KCTD1: variants seen among roughly 807,000 people sequenced by gnomAD.
The protein encoded by KCTD1 is potassium channel tetramerization domain containing 1.
KCTD1 carries 24 observed loss-of-function variants against 66.0 expected under a neutral mutation model. That is an observed-to-expected ratio of 0.36 (90% confidence interval 0.26 to 0.51). KCTD1 has a LOEUF of 0.51. KCTD1 is among the 20% of genes least tolerant of loss of function. The probability of loss-of-function intolerance (pLI) is 0.95; values close to 1 mark genes in which losing one functional copy is unlikely to be tolerated. For synonymous variants in KCTD1, 511 were observed against 517.2 expected (o/e 0.99, Z 0.16); for missense variants, 943 against 1,205.2 (o/e 0.78, Z 3.22).
intron 1 of KCTD1, among the ~76,000 whole-genome samples, chr18:26,609,291 C>T (rs1312966701): frequency 6.6e-6 from 1 of 152,186 alleles, no homozygotes; most frequent in Non-Finnish European, 1.5e-5. Flanking sequence ...TAGTAAACAT[C>T]TCAAGTGCCT....
chr18:26,587,396 G>A (rs1201119877), intron 1 of KCTD1, among the ~76,000 whole-genome samples: 1 of 152,156 alleles, frequency 6.6e-6, no homozygotes, highest in Non-Finnish European at 1.5e-5. Context: ...AGTCACCCAG[G>A]AGTGCTGATG....
At chr18:26,611,860 G>C (rs1462952300) in intron 1 of KCTD1, among the ~76,000 whole-genome samples, 1 of 152,082 alleles carries the variant, frequency 6.6e-6, no homozygotes, top group Non-Finnish European at 1.5e-5. Flanking sequence ...CTTTGTTCTG[G>C]GATGAGTTAA....
At chr18:26,622,237 G>T (rs1987402360) in intron 1 of KCTD1, among the ~76,000 whole-genome samples, 1 of 152,222 alleles carries the variant, frequency 6.6e-6, no homozygotes, top group Non-Finnish European at 1.5e-5. Context: ...AAGAACTCAC[G>T]AGAGGAGCAG....
intron 1 of KCTD1, among the ~76,000 whole-genome samples, chr18:26,563,352 C>G (rs1044420605): frequency 6.6e-6 from 1 of 152,174 alleles, no homozygotes; most frequent in African/African-American, 2.4e-5. Flanking sequence ...ATAACGTACT[C>G]CCTGCCTACT....
At chr18:26,590,268 T>C (rs544915003) in intron 1 of KCTD1, among the ~76,000 whole-genome samples, 1 of 151,796 alleles carries the variant, frequency 6.6e-6, no homozygotes, top group East Asian at 2.0e-4. Context: ...TTTTTCACTT[T>C]AGTAGAGATG....
chr18:26,567,619 GTGGGATTACAGGCATGCACCACCACACT>G (rs1986014195), intron 1 of KCTD1, among the ~76,000 whole-genome samples: 2 of 151,542 alleles, frequency 1.3e-5, no homozygotes, highest in South Asian at 4.2e-4. Flanking sequence ...TCCCGAGTAG[GTGGGATTACAGGCATGCACCACCACACT>G]TGGCTAATTT....
Position 26,499,187 on chromosome 18 carries a change from TG to T in KCTD1, c.1988+1884del, listed in dbSNP as rs769455774. ...GTAAATCTTGCTACAGTTGAAGGTT[TG>T]CTTTTTTGTCTCTTAATATGCATTT... On this transcript the variant is annotated intron_variant, in intron 2 of 4. Coordinates refer to ENST00000580059, the MANE Select transcript of KCTD1 (RefSeq NM_001142730.3). 9.1e-4 allele frequency among the ~76,000 whole-genome samples: 139 copies of T among 152,260 alleles called. 1 individual carries two copies. Among genetic ancestry groups the T allele is most frequent in the Non-Finnish European group, 4.1e-4 (28 of 68,044 alleles).
At chr18:26,569,502 G>A (rs906387820) in intron 1 of KCTD1, among the ~76,000 whole-genome samples, 8 of 151,218 alleles carry the variant, frequency 5.3e-5, no homozygotes, top group African/African-American at 1.5e-4. Context: ...CCTTTCTCCC[G>A]CCCCCGACAA....
At chr18:26,549,043 C>A (rs866164706), upstream of KCTD1, 108 of 985,350 alleles carry the variant, frequency 1.1e-4, 1 homozygote, top group Middle Eastern at 3.1e-3. Context: ...GGGGCGGCGG[C>A]TGCGCCGGGC....
intron 1 of KCTD1, chr18:26,566,744 C>G (rs1469523129): frequency 4.6e-5 from 7 of 150,546 alleles, no homozygotes; most frequent in African/African-American, 7.3e-5. Context: ...CGGTCTCATC[C>G]CAAAGTCACA....
At chr18:26,599,517 A>G in intron 1 of KCTD1, 2 of 1,573,076 alleles carry the variant, frequency 1.3e-6, no homozygotes, top group Non-Finnish European at 1.8e-6. Flanking sequence ...TTAACTGGCA[A>G]TGAGGGCCGT....
chr18:26,582,047 C>T (rs547181017), intron 1 of KCTD1, among the ~76,000 whole-genome samples: 33 of 150,750 alleles, frequency 2.2e-4, no homozygotes, highest in South Asian at 1.9e-3. Flanking sequence ...GTGGGTAAGT[C>T]GCGTGAGCTC....
chr18:26,561,532 C>T (rs1985848674), intron 1 of KCTD1, among the ~76,000 whole-genome samples: 1 of 152,126 alleles, frequency 6.6e-6, no homozygotes. Flanking sequence ...CCCAATAAGC[C>T]TAAAACCAAC....
At chr18:26,595,452 G>C (rs1277165361) in intron 1 of KCTD1, among the ~76,000 whole-genome samples, 2 of 152,150 alleles carry the variant, frequency 1.3e-5, no homozygotes, top group East Asian at 3.9e-4. Flanking sequence ...GCTTTGGCAC[G>C]TGACTATATT....
At chr18:26,513,415 A>G (rs1983457606) in intron 1 of KCTD1, among the ~76,000 whole-genome samples, 1 of 152,338 alleles carries the variant, frequency 6.6e-6, no homozygotes, top group Admixed American at 6.5e-5. Flanking sequence ...TAAATAAGAC[A>G]TACCTATATT....
At chr18:26,504,158 C>T (rs1470276812) in intron 1 of KCTD1, among the ~76,000 whole-genome samples, 1 of 152,130 alleles carries the variant, frequency 6.6e-6, no homozygotes, top group Non-Finnish European at 1.5e-5. Flanking sequence ...CAGCCTCAAA[C>T]TTCTGGGATC....
intron 3 of KCTD1, among the ~76,000 whole-genome samples, chr18:26,461,191 C>T (rs1001651188): frequency 6.6e-6 from 1 of 152,216 alleles, no homozygotes; most frequent in African/African-American, 2.4e-5. Flanking sequence ...CAAGCAATAG[C>T]AGCAGCAGCT....
chr18:26,530,804 T>G (rs931709055), intron 1 of KCTD1, among the ~76,000 whole-genome samples: 1 of 152,190 alleles, frequency 6.6e-6, no homozygotes, highest in Non-Finnish European at 1.5e-5. Context: ...GTTTTTTTCT[T>G]TATGTGCTAT....
chr18:26,599,017 T>C (rs1986830971), intron 1 of KCTD1, among the ~76,000 whole-genome samples: 1 of 152,192 alleles, frequency 6.6e-6, no homozygotes, highest in South Asian at 2.1e-4. Flanking sequence ...AAATTGTCTA[T>C]TTTTTCTTTT....
Sources: allele counts gnomAD v4.1 joint callset (sites outside exome capture counted in the v4.1 genomes callset), GRCh38; gene constraint gnomAD v4.1.1; transcripts MANE v1.5; gene names NCBI Gene and HGNC (gene_info 2026-07-23, HGNC 2026-07-21).